CSMD1: variants seen among roughly 807,000 people sequenced by gnomAD.
CSMD1 encodes CUB and sushi domain-containing protein 1.
A neutral mutation model predicts 417.5 loss-of-function variants in CSMD1; 213 were observed. The ratio of observed to expected loss-of-function variants is 0.51; its 90% CI spans 0.46 to 0.57. CSMD1 has a LOEUF of 0.57. Ranked by LOEUF, CSMD1 falls within the 20% of genes least tolerant of loss-of-function variation. The probability of loss-of-function intolerance (pLI) is 0.00; values close to 1 mark genes in which losing one functional copy is unlikely to be tolerated. For synonymous variants in CSMD1, 2,862 were observed against 1,736.8 expected (o/e 1.65, Z -16.11); for missense variants, 6,923 against 4,529.7 (o/e 1.53, Z -15.17).
At chr8:4,132,087 G>A (rs1045692798) in intron 3 of CSMD1, among the ~76,000 whole-genome samples, 1 of 151,926 alleles carries the variant, frequency 6.6e-6, no homozygotes, top group Non-Finnish European at 1.5e-5. Context: ...TCAAAAACAG[G>A]TAAAGAATCA....
chr8:4,222,192 G>A (rs545032642), intron 3 of CSMD1, among the ~76,000 whole-genome samples: 1 of 151,946 alleles, frequency 6.6e-6, no homozygotes, highest in Non-Finnish European at 1.5e-5. Context: ...ACACTCACAA[G>A]CTCTACCAGA....
chr8:4,648,575 A>G (rs1803683215), intron 1 of CSMD1, among the ~76,000 whole-genome samples: 1 of 152,084 alleles, frequency 6.6e-6, no homozygotes, highest in Admixed American at 6.6e-5. Flanking sequence ...CTATCTGCAC[A>G]AAAAATGTGA....
intron 40 of CSMD1, among the ~76,000 whole-genome samples, chr8:3,145,129 G>T (rs773764363): frequency 6.6e-6 from 1 of 152,060 alleles, no homozygotes; most frequent in Non-Finnish European, 1.5e-5. Context: ...GAATCCATGT[G>T]CTCCACAGAG....
chr8:3,401,273 A>C (rs997768243), intron 15 of CSMD1, among the ~76,000 whole-genome samples: 1 of 152,110 alleles, frequency 6.6e-6, no homozygotes, highest in Admixed American at 6.6e-5. Context: ...CTATGTGTGA[A>C]TTTCCATATA....
chr8:3,480,328 C>T (rs182356090), intron 11 of CSMD1, among the ~76,000 whole-genome samples: 1 of 152,296 alleles, frequency 6.6e-6, no homozygotes, highest in East Asian at 1.9e-4. Context: ...TGCCACTGCA[C>T]TCCAGCCCCC....
intron 5 of CSMD1, among the ~76,000 whole-genome samples, chr8:3,876,927 G>C (rs1466561859): frequency 6.6e-6 from 1 of 152,144 alleles, no homozygotes; most frequent in African/African-American, 2.4e-5. Flanking sequence ...CTCATGCTTG[G>C]CTTTTTATCA....
intron 1 of CSMD1, among the ~76,000 whole-genome samples, chr8:4,890,524 G>A (rs547115798): frequency 6.7e-6 from 1 of 149,780 alleles, no homozygotes; most frequent in East Asian, 2.0e-4. Context: ...AGGTGAGAGC[G>A]TGACTCTGAC....
At chr8:3,511,553 G>C (rs1797067749) in intron 10 of CSMD1, among the ~76,000 whole-genome samples, 1 of 151,450 alleles carries the variant, frequency 6.6e-6, no homozygotes, top group Non-Finnish European at 1.5e-5. Context: ...TCAGGAATTT[G>C]AGATCAGCCC....
intron 3 of CSMD1, among the ~76,000 whole-genome samples, chr8:4,211,719 G>C (rs1326523807): frequency 6.6e-6 from 1 of 152,210 alleles, no homozygotes; most frequent in Admixed American, 6.5e-5. Context: ...ACCTGACTTT[G>C]CAAGTGGGGA....
chr8:3,323,587 T>C (rs1283660576), intron 23 of CSMD1, among the ~76,000 whole-genome samples: 1 of 152,168 alleles, frequency 6.6e-6, no homozygotes, highest in African/African-American at 2.4e-5. Flanking sequence ...TCTTTGATTT[T>C]TTAAAAAAAT....
In CSMD1 at chr8:4,965,550, T is replaced by C. The variant is rs77632679; in HGVS notation, c.85+28782A>G. Among the ~76,000 whole-genome samples, 157 of 152,334 alleles carry C rather than the reference T, an allele frequency of 1.0e-3. 3 individuals are homozygous for C. The East Asian group carries it at 0.014, about 13-fold the overall frequency. Reference sequence around the variant, plus strand: ...GTGGCCCTGGCCAAACTGTTTAACATCTTTCAGAACCAGTTTTCTGTTTAC... The same window carrying C: ...GTGGCCCTGGCCAAACTGTTTAACACCTTTCAGAACCAGTTTTCTGTTTAC... On this transcript the variant is annotated intron_variant, in intron 1 of 69. Transcript: ENST00000635120.
chr8:3,904,570 T>A (rs1361687279), intron 5 of CSMD1, among the ~76,000 whole-genome samples: 1 of 152,080 alleles, frequency 6.6e-6, no homozygotes, highest in Non-Finnish European at 1.5e-5. Context: ...CTTTGGAGAG[T>A]TGGGAATTAA....
rs140455146 is a variant in CSMD1 at position 4,007,875 on chromosome 8, A to G, written c.611-9765T>C. Reference sequence around the variant, plus strand: ...AAGAAAAGTTTATTTAGTTATAGAGATCTGTGGCTTTCTTAAGAATGAGTG... The same window carrying G: ...AAGAAAAGTTTATTTAGTTATAGAGGTCTGTGGCTTTCTTAAGAATGAGTG... On this transcript the variant is annotated intron_variant, in intron 4 of 69. Transcript: ENST00000635120. Among the ~76,000 whole-genome samples, 508 of 152,186 alleles carry G rather than the reference A, an allele frequency of 3.3e-3. 1 individual carries two copies. Among genetic ancestry groups the G allele is most frequent in the Middle Eastern group, 0.01 (3 of 292 alleles).
chr8:3,521,001 C>A (rs1797484875), intron 10 of CSMD1, among the ~76,000 whole-genome samples: 1 of 152,126 alleles, frequency 6.6e-6, no homozygotes, highest in South Asian at 2.1e-4. Context: ...AAAGCCCTCT[C>A]TGGAGCATCC....
At chr8:3,126,553 T>C (rs1016253104) in intron 41 of CSMD1, among the ~76,000 whole-genome samples, 25 of 152,178 alleles carry the variant, frequency 1.6e-4, no homozygotes, top group African/African-American at 6.0e-4. Context: ...ATGTCAGCCA[T>C]GAATGGTAGT....
At chr8:3,245,295 C>A (rs1353155132) in intron 26 of CSMD1, among the ~76,000 whole-genome samples, 4 of 152,168 alleles carry the variant, frequency 2.6e-5, no homozygotes, top group African/African-American at 7.2e-5. Flanking sequence ...CCTCCAGTTC[C>A]TTCCGGTACC....
At chr8:3,939,163 A>G (rs1810705216) in intron 5 of CSMD1, among the ~76,000 whole-genome samples, 2 of 152,176 alleles carry the variant, frequency 1.3e-5, no homozygotes, top group Non-Finnish European at 2.9e-5. Context: ...CCAATCTAAC[A>G]TAGTTTCTGA....
intron 3 of CSMD1, among the ~76,000 whole-genome samples, chr8:4,253,515 A>T (rs920538913): frequency 6.6e-6 from 1 of 152,172 alleles, no homozygotes. Flanking sequence ...AGCCCCTGGG[A>T]TAGAGAAAGA....
At chr8:3,107,919 C>G (rs536207359) in intron 44 of CSMD1, 121 bp from the exon 45 acceptor site, 3 of 623,040 alleles carry the variant, frequency 4.8e-6, no homozygotes, top group East Asian at 6.3e-5. Flanking sequence ...TGAAATGTCT[C>G]TATTCCTGAA....
Sources: gnomAD v4.1 joint callset for allele counts (sites outside exome capture counted in the v4.1 genomes callset) on GRCh38, gnomAD v4.1.1 for gene constraint, MANE v1.5 for transcripts, NCBI Gene and HGNC (gene_info 2026-07-23, HGNC 2026-07-21) for gene names.